Variants in ERC2 observed in about 807,000 individuals in gnomAD.
The protein encoded by ERC2 is ERC protein 2.
In ERC2, 42 loss-of-function variants were observed where a neutral mutation model predicts 114.8. The ratio of observed to expected loss-of-function variants is 0.37; its 90% CI spans 0.29 to 0.47. ERC2 has a LOEUF of 0.47. ERC2 is among the 20% of genes least tolerant of loss of function. The pLI is 0.99. For synonymous variants in ERC2, 454 were observed against 425.5 expected (o/e 1.07, Z -0.82); for missense variants, 939 against 1,150.7 (o/e 0.82, Z 2.66).
At chr3:55,785,503 A>G (rs928957970) in intron 14 of ERC2, among the ~76,000 whole-genome samples, 52 of 152,232 alleles carry the variant, frequency 3.4e-4, no homozygotes, top group African/African-American at 1.1e-3. Context: ...CTATGCCACT[A>G]TCTTCCCTCT....
At chr3:55,957,481 C>T (rs1282457459) in intron 12 of ERC2, among the ~76,000 whole-genome samples, 1 of 152,170 alleles carries the variant, frequency 6.6e-6, no homozygotes, top group Non-Finnish European at 1.5e-5. Context: ...GTCACAGGAT[C>T]CTTAGGGTGT....
chr3:56,059,880 T>C (rs570962744), intron 7 of ERC2, among the ~76,000 whole-genome samples: 1 of 152,308 alleles, frequency 6.6e-6, no homozygotes, highest in Admixed American at 6.5e-5. Flanking sequence ...TTCTGAGCTG[T>C]CCAGTAGAGG....
intron 10 of ERC2, among the ~76,000 whole-genome samples, chr3:55,993,279 GAT>G (rs2149527726): frequency 1.3e-5 from 2 of 152,242 alleles, no homozygotes; most frequent in South Asian, 4.1e-4. Context: ...ATCCATGGGT[GAT>G]ATAATCAAAT....
At chr3:56,008,374 G>A (rs1036853098) in intron 9 of ERC2, among the ~76,000 whole-genome samples, 4 of 152,160 alleles carry the variant, frequency 2.6e-5, no homozygotes, top group African/African-American at 9.6e-5. Context: ...CACAAGAGCT[G>A]AGCATCTTGT....
rs147815049 is a variant in ERC2, at chr3:56,454,035, A to G, written c.-141+14213T>C. Among the ~76,000 whole-genome samples the G allele has an allele frequency of 3.6e-3, 542 of 152,298 alleles. 4 individuals carry two copies. The highest frequency in any genetic ancestry group is 0.013 in the African/African-American group (525 of 41,564). On this transcript the variant is annotated intron_variant, in intron 1 of 17. Coordinates refer to ENST00000288221, the MANE Select transcript of ERC2 (RefSeq NM_015576.3). Reference sequence around the variant, plus strand: ...ACCCACCTCCTGCTATCGTGATTCCATCTTATAATGGCTGTGTGACTTACA... The same window carrying G: ...ACCCACCTCCTGCTATCGTGATTCCGTCTTATAATGGCTGTGTGACTTACA...
At chr3:56,019,427 G>T (rs1171764899) in intron 7 of ERC2, among the ~76,000 whole-genome samples, 1 of 152,136 alleles carries the variant, frequency 6.6e-6, no homozygotes, top group Non-Finnish European at 1.5e-5. Flanking sequence ...TTACTGGAGA[G>T]CCCATTCTGC....
intron 16 of ERC2, among the ~76,000 whole-genome samples, chr3:55,694,266 T>C (rs1436136188): frequency 6.6e-6 from 1 of 152,138 alleles, no homozygotes; most frequent in East Asian, 1.9e-4. Flanking sequence ...ACCTCTGAGT[T>C]TCTTTATTTA....
At chr3:55,991,928 T>A (rs1233186994) in intron 11 of ERC2, 129 bp downstream of exon 11, 1 of 785,688 alleles carries the variant, frequency 1.3e-6, no homozygotes, top group African/African-American at 1.7e-5. Flanking sequence ...ACAGGCCATA[T>A]TCCTCATTTA....
intron 3 of ERC2, among the ~76,000 whole-genome samples, chr3:56,248,825 G>A (rs552365379): frequency 1.4e-4 from 21 of 152,272 alleles, no homozygotes; most frequent in South Asian, 6.2e-4. Flanking sequence ...AACAAAACAC[G>A]TGTTCACAGG....
intron 12 of ERC2, 47 bp downstream of exon 12, chr3:55,985,930 G>A: frequency 6.6e-7 from 1 of 1,513,756 alleles, no homozygotes; most frequent in Non-Finnish European, 8.9e-7. Flanking sequence ...GCCATAAATT[G>A]AGCTTAGGAG....
intron 17 of ERC2, among the ~76,000 whole-genome samples, chr3:55,605,462 C>T (rs1795645): frequency 0.99 from 150,147 of 152,336 alleles, 74,039 homozygotes; most frequent in Middle Eastern, 1. Context: ...TACAATCATT[C>T]ATTCTTTTTC....
At chr3:56,213,294 G>A (rs1413690714) in intron 3 of ERC2, among the ~76,000 whole-genome samples, 3 of 152,164 alleles carry the variant, frequency 2.0e-5, no homozygotes, top group Non-Finnish European at 4.4e-5. Flanking sequence ...GATGGCACCT[G>A]GAAAACTGGG....
At chr3:56,346,895 C>T (rs2058331798) in intron 2 of ERC2, among the ~76,000 whole-genome samples, 1 of 152,188 alleles carries the variant, frequency 6.6e-6, no homozygotes, top group Admixed American at 6.5e-5. Context: ...ATGGAGTTCA[C>T]AGCCACAAAC....
chr3:55,892,849 C>G (rs982018856), intron 13 of ERC2, among the ~76,000 whole-genome samples: 1 of 152,112 alleles, frequency 6.6e-6, no homozygotes, highest in African/African-American at 2.4e-5. Flanking sequence ...TCCTCATCTT[C>G]CTAAAACTGA....
intron 3 of ERC2, among the ~76,000 whole-genome samples, chr3:56,247,950 C>T (rs1447813776): frequency 6.6e-6 from 1 of 152,208 alleles, no homozygotes; most frequent in African/African-American, 2.4e-5. Flanking sequence ...ATGCCCAATA[C>T]CTTTTAATAA....
At chr3:56,315,795 G>C (rs1446064468) in intron 2 of ERC2, among the ~76,000 whole-genome samples, 2 of 151,750 alleles carry the variant, frequency 1.3e-5, no homozygotes, top group African/African-American at 4.8e-5. Flanking sequence ...GTCTGGAACA[G>C]AGCTCACCTA....
intron 6 of ERC2, among the ~76,000 whole-genome samples, chr3:56,115,488 A>G (rs2079180268): frequency 6.6e-6 from 1 of 152,146 alleles, no homozygotes; most frequent in Admixed American, 6.5e-5. Flanking sequence ...TATCACAGGT[A>G]ACAAAGGAAG....
At chr3:55,965,655 A>G (rs991807264) in intron 12 of ERC2, among the ~76,000 whole-genome samples, 5 of 152,184 alleles carry the variant, frequency 3.3e-5, no homozygotes, top group African/African-American at 9.7e-5. Context: ...CATTAATGCA[A>G]CTTAAGGCAT....
At chr3:56,421,599 C>T (rs2061391675) in intron 2 of ERC2, among the ~76,000 whole-genome samples, 2 of 152,128 alleles carry the variant, frequency 1.3e-5, no homozygotes. Flanking sequence ...TTGAGTGCCG[C>T]TTTTTCATAA....
Sources: allele counts gnomAD v4.1 joint callset (sites outside exome capture counted in the v4.1 genomes callset), GRCh38; gene constraint gnomAD v4.1.1; transcripts MANE v1.5; gene names NCBI Gene and HGNC (gene_info 2026-07-23, HGNC 2026-07-21).